The following SORCS1 variants were observed in gnomAD, a reference collection of about 807,000 sequenced individuals.
The protein encoded by SORCS1 is VPS10 domain-containing receptor SorCS1.
A neutral mutation model predicts 146.1 loss-of-function variants in SORCS1; 60 were observed. The ratio of observed to expected loss-of-function variants is 0.41; its 90% CI spans 0.33 to 0.51. SORCS1 has a LOEUF of 0.51. Ranked by LOEUF, SORCS1 falls within the 20% of genes least tolerant of loss-of-function variation. The probability of loss-of-function intolerance (pLI) is 0.21; values close to 1 mark genes in which losing one functional copy is unlikely to be tolerated. For missense variants in SORCS1, 1,352 were observed against 1,487.6 expected (o/e 0.91, Z 1.50); for synonymous variants, 637 against 584.0 (o/e 1.09, Z -1.31).
chr10:106,620,290 C>T, intron 20 of SORCS1, 138 bp downstream of exon 20: 2 of 1,065,922 alleles, frequency 1.9e-6, no homozygotes, highest in Non-Finnish European at 1.3e-6. Context: ...GATACTTGAG[C>T]ACCAAGGGAG....
rs3982430 is a variant in SORCS1, at chr10:106,878,620, G to GTATATATATATATATA, written c.627-48963_627-48948dup. Among the ~76,000 whole-genome samples, 347 of 84,846 alleles carry GTATATATATATATATA rather than the reference G, an allele frequency of 4.1e-3. 4 individuals are homozygous for GTATATATATATATATA. Among genetic ancestry groups the GTATATATATATATATA allele is most frequent in the East Asian group, 0.01 (27 of 2,572 alleles). 55.7% of individuals were successfully genotyped at this position (84,846 alleles called of 152,430 possible). A position where few individuals can be genotyped will look rare whatever the true frequency, so the allele number is the denominator to read the frequency against. On this transcript the variant is annotated intron_variant, in intron 2 of 25. Transcript: ENST00000263054. ...AAATTTGTTTTTTATAAACTACCTA[G>GTATATATATATATATA]TATATATATATATATATATATATAT...
intron 1 of SORCS1, among the ~76,000 whole-genome samples, chr10:106,987,548 G>T (rs946068014): frequency 9.9e-5 from 15 of 152,142 alleles, no homozygotes; most frequent in African/African-American, 3.6e-4. Flanking sequence ...TCTTCTTGGC[G>T]CATAGCCACC....
At chr10:107,162,283 T>C (rs1015053146) in intron 1 of SORCS1, among the ~76,000 whole-genome samples, 7 of 152,226 alleles carry the variant, frequency 4.6e-5, no homozygotes, top group African/African-American at 1.4e-4. Flanking sequence ...CTTTTACTTC[T>C]TAATACAACA....
chr10:107,090,266 T>C (rs1050663128), intron 1 of SORCS1, among the ~76,000 whole-genome samples: 7 of 152,150 alleles, frequency 4.6e-5, no homozygotes, highest in African/African-American at 1.7e-4. Context: ...ATAGGACTCA[T>C]TGGACACCAC....
In SORCS1 at chr10:106,863,714, G is replaced by C. The variant is rs575805517; in HGVS notation, c.627-34041C>G. On this transcript the variant is annotated intron_variant, in intron 2 of 25. Transcript: ENST00000263054. The stretch of plus-strand genomic sequence containing the variant: ...CAAAATCTGGATGGTAGAGCTGACA[G>C]AGGGTGGCGCTCTAATATGCACCAT... 6.6e-5 allele frequency among the ~76,000 whole-genome samples: 10 copies of C among 151,104 alleles called. 1 individual carries two copies. The South Asian group carries it at 2.1e-3, about 32-fold the overall frequency.
intron 2 of SORCS1, among the ~76,000 whole-genome samples, chr10:106,952,006 T>A (rs116860848): frequency 1.3e-5 from 2 of 152,270 alleles, no homozygotes; most frequent in East Asian, 3.9e-4. Flanking sequence ...TCAAAAAGTA[T>A]CAAAGAAGTA....
chr10:106,926,552 T>C (rs1953029381), intron 2 of SORCS1, among the ~76,000 whole-genome samples: 1 of 152,162 alleles, frequency 6.6e-6, no homozygotes, highest in Non-Finnish European at 1.5e-5. Flanking sequence ...TTTACTATTA[T>C]TAGGTTGAGG....
Position 106,671,302 on chromosome 10 carries a change from C to T in SORCS1, c.2124G>A (p.Met708Ile), listed in dbSNP as rs1212915466. ...CCATAGCTCCTGCATATTTTCCTTG[C>T]ATACACTTCCGCTCTGATTTTCGCT... is the stretch of plus-strand genomic sequence containing the variant. ...YKKRKSERKC[M>I]QGKYAGAMES... Residue 708 changes from methionine (M) to isoleucine (I), a missense_variant, in exon 16 of 26, where the codon ATG becomes ATA. Transcript: ENST00000263054. The T allele has an allele frequency of 3.7e-6, 6 of 1,614,156 alleles. No individual in the cohort carries two copies. The highest frequency in any genetic ancestry group is 3.4e-6 in the Non-Finnish European group (4 of 1,180,006).
At chr10:107,049,518 G>T (rs1959904619) in intron 1 of SORCS1, among the ~76,000 whole-genome samples, 1 of 152,096 alleles carries the variant, frequency 6.6e-6, no homozygotes, top group Admixed American at 6.5e-5. Context: ...GCCTGGGTTG[G>T]GACCTGTCGT....
At chr10:106,751,365 G>C (rs919913919) in intron 5 of SORCS1, among the ~76,000 whole-genome samples, 3 of 152,102 alleles carry the variant, frequency 2.0e-5, no homozygotes, top group Non-Finnish European at 4.4e-5. Context: ...CAGAGAATTA[G>C]GGAAAGTGTA....
intron 1 of SORCS1, among the ~76,000 whole-genome samples, chr10:106,980,351 C>A (rs1956199686): frequency 6.6e-6 from 1 of 152,158 alleles, no homozygotes; most frequent in African/African-American, 2.4e-5. Context: ...ACAGTAAAAA[C>A]CAGGCCACAT....
chr10:106,917,154 C>T (rs749745398), intron 2 of SORCS1, among the ~76,000 whole-genome samples: 1 of 152,188 alleles, frequency 6.6e-6, no homozygotes, highest in Non-Finnish European at 1.5e-5. Flanking sequence ...TCTAACAAAA[C>T]TCCTGTATAA....
Position 107,060,448 on chromosome 10 carries a change from G to A in SORCS1, c.558+103521C>T, listed in dbSNP as rs1175692214. 6.6e-6 allele frequency among the ~76,000 whole-genome samples: 1 copy of A among 151,966 alleles called. No individual in the cohort carries two copies. Among genetic ancestry groups the A allele is most frequent in the African/African-American group, 2.4e-5 (1 of 41,276 alleles). ...TTTTTATTGTCATGTACTTAGTGAA[G>A]CCTCAGACGTAGCAAACCTAAAAAT... is the stretch of plus-strand genomic sequence containing the variant. On this transcript the variant is annotated intron_variant, in intron 1 of 25. Coordinates refer to ENST00000263054, the MANE Select transcript of SORCS1 (RefSeq NM_052918.5). The surrounding 1 kb of genome is among the most constrained non-coding windows in gnomAD (Gnocchi z 4.1).
chr10:106,759,331 C>T (rs1858901485), intron 5 of SORCS1, among the ~76,000 whole-genome samples: 1 of 152,128 alleles, frequency 6.6e-6, no homozygotes, highest in South Asian at 2.1e-4. Context: ...CACAGTGATT[C>T]TAAATGACAT....
At chr10:107,015,234 C>T (rs752669127) in intron 1 of SORCS1, among the ~76,000 whole-genome samples, 6 of 152,142 alleles carry the variant, frequency 3.9e-5, no homozygotes, top group Non-Finnish European at 8.8e-5. Flanking sequence ...GATATGTTAG[C>T]CAACAAAGCC....
chr10:106,602,550 C>CAA (rs1433008378), intron 23 of SORCS1, among the ~76,000 whole-genome samples: 1 of 149,506 alleles, frequency 6.7e-6, no homozygotes, highest in Non-Finnish European at 1.5e-5. Flanking sequence ...CACACACACA[C>CAA]AAACACACAC....
intron 1 of SORCS1, among the ~76,000 whole-genome samples, chr10:107,020,135 G>A (rs1272981071): frequency 2.0e-5 from 3 of 152,142 alleles, no homozygotes; most frequent in Non-Finnish European, 2.9e-5. Flanking sequence ...AAGTCACTGT[G>A]CCCAGACAAG....
Position 106,730,458 on chromosome 10 carries a change from C to T in SORCS1, c.960-344G>A, listed in dbSNP as rs867110398. Among the ~76,000 whole-genome samples the T allele has an allele frequency of 7.2e-5, 11 of 152,302 alleles. No individual in the cohort carries two copies. In the South Asian group the frequency reaches 2.3e-3, roughly 32 times the overall value. On this transcript the variant is annotated intron_variant, in intron 5 of 25. Transcript: ENST00000263054. ...AAACTTTCAAAACTTATTAGGCAGG[C>T]ATGCTGCTTCAGCTGGGTGACTTGA...
intron 5 of SORCS1, among the ~76,000 whole-genome samples, chr10:106,736,088 C>T (rs1217740000): frequency 6.6e-6 from 1 of 152,222 alleles, no homozygotes; most frequent in African/African-American, 2.4e-5. Flanking sequence ...GACATAGCAG[C>T]GCAACATCAG....
Sources: allele counts gnomAD v4.1 joint callset (sites outside exome capture counted in the v4.1 genomes callset), GRCh38; gene constraint gnomAD v4.1.1; non-coding constraint Gnocchi (gnomAD v3.1); transcripts MANE v1.5; gene names NCBI Gene and HGNC (gene_info 2026-07-23, HGNC 2026-07-21).